POLQ: variants seen among roughly 807,000 people sequenced by gnomAD.
POLQ encodes the protein epididymis secretory sperm binding protein.
In POLQ, 233 loss-of-function variants were observed where a neutral mutation model predicts 259.2. That is an observed-to-expected ratio of 0.90 (90% CI 0.81 to 1.00). The LOEUF (loss-of-function observed/expected upper bound fraction) is 1.00. Ranked by LOEUF, POLQ falls within the 50% of genes least tolerant of loss-of-function variation. POLQ has a pLI of 0.00. For synonymous variants in POLQ, 1,025 were observed against 1,048.8 expected (o/e 0.98, Z 0.44); for missense variants, 2,871 against 3,051.6 (o/e 0.94, Z 1.39).
chr3:121,542,456 G>C (rs1407422561), intron 2 of POLQ, among the ~76,000 whole-genome samples: 1 of 152,136 alleles, frequency 6.6e-6, no homozygotes, highest in Non-Finnish European at 1.5e-5. Context: ...TGGTACAAAG[G>C]CCTAGAAGAA....
At chr3:121,499,895 TAA>T (rs1047791688) in intron 12 of POLQ, among the ~76,000 whole-genome samples, 16 of 152,164 alleles carry the variant, frequency 1.1e-4, no homozygotes, top group Non-Finnish European at 2.1e-4. Context: ...ATGCTTGAAG[TAA>T]AAGGCATGAT....
chr3:121,529,715 T>G lies in POLQ; in HGVS notation c.1038A>C (p.Ser346=). Residue 346 remains serine, a synonymous_variant, in exon 7 of 30, where the codon TCA becomes TCC. Coordinates refer to ENST00000264233, the MANE Select transcript of POLQ (RefSeq NM_199420.4). ...DNHSVLLFCP[S]KKWCEKLADI... ...CTGCCAGCTTCTCACACCATTTCTT[T>G]GATGGACAAAAAAGTAATACTGAAT... 6.2e-7 allele frequency: 1 copy of G among 1,613,058 alleles called. No individual in the cohort carries two copies. The highest frequency in any genetic ancestry group is 8.5e-7 in the Non-Finnish European group (1 of 1,179,296).
intron 12 of POLQ, among the ~76,000 whole-genome samples, chr3:121,504,093 C>T (rs2048192169): frequency 6.6e-6 from 1 of 152,112 alleles, no homozygotes. Context: ...GTCTCGAACA[C>T]CTGACCTCAG....
chr3:121,496,377 A>G (rs2048124658), intron 14 of POLQ, among the ~76,000 whole-genome samples: 1 of 151,952 alleles, frequency 6.6e-6, no homozygotes, highest in Non-Finnish European at 1.5e-5. Context: ...GGGTTTCACC[A>G]TCTTGGCCAG....
At chr3:121,530,039 G>A (rs2108816887) in intron 6 of POLQ, among the ~76,000 whole-genome samples, 1 of 152,284 alleles carries the variant, frequency 6.6e-6, no homozygotes, top group South Asian at 2.1e-4. Flanking sequence ...CTCAGGCAAT[G>A]GGAATACAAT....
chr3:121,509,509 T>C (rs889863748), intron 12 of POLQ, 52 bp downstream of exon 12: 6 of 1,461,024 alleles, frequency 4.1e-6, no homozygotes, highest in Non-Finnish European at 5.7e-6. Context: ...GGATTATATA[T>C]CTATTTTTTT....
chr3:121,473,991 T>A (rs1338895186), intron 20 of POLQ, among the ~76,000 whole-genome samples: 1 of 152,120 alleles, frequency 6.6e-6, no homozygotes, highest in Non-Finnish European at 1.5e-5. Flanking sequence ...CCTCCCAAAG[T>A]GGTGGGATTA....
In POLQ at chr3:121,490,474, C is replaced by T. The variant is rs771052603; in HGVS notation, c.2523-66G>A. On this transcript the variant is annotated intron_variant, in intron 15 of 29. Coordinates refer to ENST00000264233, the MANE Select transcript of POLQ (RefSeq NM_199420.4). ...ATTCGTAAGGCAAGTATTTATTAAA[C>T]ATGCAATCTGAGCTGTTACCAGGAA... 4 of 1,307,640 alleles carry T rather than the reference C, an allele frequency of 3.1e-6. No individual in the cohort carries two copies. The Admixed American group carries it at 5.5e-5, about 18-fold the overall frequency. The allele number at this position is 1,307,640 out of a possible 1,614,324, so 81.0% of individuals were successfully genotyped here.
At chr3:121,496,682 G>T in intron 14 of POLQ, 126 bp downstream of exon 14, 1 of 928,620 alleles carries the variant, frequency 1.1e-6, no homozygotes, top group Non-Finnish European at 1.6e-6. Context: ...ATGATGACAA[G>T]AACTGTACAA....
intron 25 of POLQ, among the ~76,000 whole-genome samples, chr3:121,457,664 G>A: frequency 1.3e-5 from 2 of 152,190 alleles, no homozygotes. Flanking sequence ...TCAGAGAAAT[G>A]CAAATCAAAA....
At chr3:121,494,585 A>G (rs1377626207) in intron 14 of POLQ, 5 of 1,568,396 alleles carry the variant, frequency 3.2e-6, no homozygotes, top group Non-Finnish European at 4.3e-6. Flanking sequence ...GATTGCACAC[A>G]ACGCGGATCC....
At position 121,488,053 on chromosome 3, in the gene POLQ, A is replaced by T; in HGVS notation, c.4878T>A (p.Asn1626Lys). The T allele has an allele frequency of 1.2e-6, 2 of 1,614,000 alleles. No homozygotes were observed. The highest frequency in any genetic ancestry group is 1.7e-6 in the Non-Finnish European group (2 of 1,179,958). Residue 1626 changes from asparagine to lysine, a missense_variant, in exon 16 of 30, where the codon AAT becomes AAA. Physicochemically the swap from Asn to Lys is moderately conservative, Grantham distance 94. Around this residue, in one of 3 missense-constraint regions of POLQ, gnomAD observed 2,080 missense variants for 2,126.0 expected, o/e 0.98. Transcript: ENST00000264233. ...ATGCCCCTGACCATATGAATGAATG[A>T]TTTTGCCTGGTCCCAGTTAATTTTG... is the stretch of plus-strand genomic sequence containing the variant. ...EKSKLTGTRQNHSFIWSGASF... is the reference protein window; with the variant it reads ...EKSKLTGTRQKHSFIWSGASF...
chr3:121,432,986 C>A lies in POLQ; in HGVS notation c.7591G>T (p.Gly2531Ter). 1 of 1,612,886 alleles carries A rather than the reference C, an allele frequency of 6.2e-7. No individual in the cohort carries two copies. Among genetic ancestry groups the A allele is most frequent in the South Asian group, 1.1e-5 (1 of 91,060 alleles). Residue 2531 changes from glycine (G) to a stop codon, truncating the protein, a stop_gained, in exon 29 of 30, where the codon GGA (glycine) becomes TGA (stop). Coordinates refer to ENST00000264233, the MANE Select transcript of POLQ (RefSeq NM_199420.4). LOFTEE classifies it high-confidence loss of function. The part of the protein sequence containing the change: ...KLQGMFCPIR[G>*]GFFILQLHDE... ...TGGAGTTGAAGGATGAAGAAGCCTCCTCTGATTGGGCAGAACATCCCTTGC... is the reference window on the plus strand; with the variant it reads ...TGGAGTTGAAGGATGAAGAAGCCTCATCTGATTGGGCAGAACATCCCTTGC...
At position 121,487,602 on chromosome 3, in the gene POLQ, G is replaced by T. The variant is rs561530462; in HGVS notation, c.5329C>A (p.Pro1777Thr). The T allele has an allele frequency of 3.7e-6, 6 of 1,613,984 alleles. No individual in the cohort carries two copies. In the East Asian group the frequency reaches 6.7e-5, roughly 18 times the overall value. The change falls in exon 16 of 30, where the codon CCT becomes ACT. Residue 1777 changes from proline to threonine, a missense_variant. Around this residue, in one of 3 missense-constraint regions of POLQ, gnomAD observed 2,080 missense variants for 2,126.0 expected, o/e 0.98. Transcript: ENST00000264233. Reference sequence around the variant, plus strand: ...AAATCGTGGTTTTTAATATCTGAAGGTGAGCCAAATAAATAACTTTCACCA... The same window carrying T: ...AAATCGTGGTTTTTAATATCTGAAGTTGAGCCAAATAAATAACTTTCACCA... ...QPGESYLFGS[P>T]SDIKNHDLSP...
At chr3:121,537,913 T>C (rs557470722) in intron 4 of POLQ, among the ~76,000 whole-genome samples, 1 of 152,248 alleles carries the variant, frequency 6.6e-6, no homozygotes, top group East Asian at 1.9e-4. Flanking sequence ...AAAATCATAT[T>C]CCTTATAATG....
In POLQ at chr3:121,489,326, TCATGAG is replaced by T; in HGVS notation, c.3599_3604del (p.Ser1200_Glu1202delinsTer). ...CTGTTTGGTAATAGTGCTTGTCTGT[TCATGAG>T]ATTGCTTTCGCAGGTACTGGTTAAT... is the stretch of plus-strand genomic sequence containing the variant. On this transcript the variant is annotated stop_gained and inframe_deletion, in exon 16 of 30. Transcript: ENST00000264233. LOFTEE classifies it high-confidence loss of function. The T allele has an allele frequency of 6.2e-7, 1 of 1,613,628 alleles. No individual in the cohort carries two copies. Among genetic ancestry groups the T allele is most frequent in the African/African-American group, 1.3e-5 (1 of 75,036 alleles).
Position 121,544,914 on chromosome 3 carries a change from G to C in POLQ, c.164-8C>G, listed in dbSNP as rs2048519372. 6.5e-7 allele frequency: 1 copy of C among 1,545,598 alleles called. No individual in the cohort carries two copies. Among genetic ancestry groups the C allele is most frequent in the Non-Finnish European group, 8.8e-7 (1 of 1,138,014 alleles). On this transcript the variant is annotated splice_region_variant and splice_polypyrimidine_tract_variant and intron_variant, in intron 1 of 29. Coordinates refer to ENST00000264233, the MANE Select transcript of POLQ (RefSeq NM_199420.4). ...CTGTAGGCTTGCATTCTCCTTTTAG[G>C]AAAAAGAAAAAATTAAAATTTAATT...
At chr3:121,490,447 T>C in intron 15 of POLQ, 39 bp from the exon 16 acceptor site, 1 of 1,524,452 alleles carries the variant, frequency 6.6e-7, no homozygotes, top group Non-Finnish European at 9.1e-7. Flanking sequence ...ATGAATTCAT[T>C]CATTCGTAAG....
At chr3:121,495,669 C>T (rs1316633192) in intron 14 of POLQ, among the ~76,000 whole-genome samples, 1 of 117,882 alleles carries the variant, frequency 8.5e-6, no homozygotes, top group Non-Finnish European at 1.7e-5. Flanking sequence ...ACAGTGGAAC[C>T]CCATCTCCAC....
Sources: gnomAD v4.1 joint callset for allele counts (sites outside exome capture counted in the v4.1 genomes callset) on GRCh38, gnomAD v4.1.1 for gene constraint, gnomAD v4.1.1 regional missense constraint, MANE v1.5 for transcripts, NCBI Gene and HGNC (gene_info 2026-07-23, HGNC 2026-07-21) for gene names.